Variants in LDLRAD3 observed in about 807,000 individuals in gnomAD.
LDLRAD3 encodes low-density lipoprotein receptor class A domain-containing protein 3.
Under a neutral mutation model 29.4 loss-of-function variants are expected in LDLRAD3, and 20 were observed. That is an observed-to-expected ratio of 0.68 (90% CI 0.48 to 0.99). The LOEUF is 0.99. Ranked by LOEUF, LDLRAD3 falls within the 50% of genes least tolerant of loss-of-function variation. LDLRAD3 has a pLI of 0.00. For missense variants in LDLRAD3, 420 were observed against 454.3 expected, an observed-to-expected ratio of 0.92 and a Z score of 0.69; for synonymous variants, 157 against 192.7, an observed-to-expected ratio of 0.81 and a Z score of 1.53.
chr11:36,103,215 T>G (rs944366909), intron 4 of LDLRAD3, among the ~76,000 whole-genome samples: 1 of 149,956 alleles, frequency 6.7e-6, no homozygotes, highest in African/African-American at 2.4e-5. Context: ...CCTCATACAG[T>G]GGAATCATAC....
At chr11:36,145,292 C>T (rs1195580664) in intron 4 of LDLRAD3, among the ~76,000 whole-genome samples, 1 of 99,098 alleles carries the variant, frequency 1.0e-5, no homozygotes, top group Non-Finnish European at 2.0e-5. Context: ...CTGCCCCATC[C>T]GGGAGGTGAG....
At chr11:36,195,238 AGTG>A (rs1855014928) in intron 4 of LDLRAD3, among the ~76,000 whole-genome samples, 1 of 152,220 alleles carries the variant, frequency 6.6e-6, no homozygotes, top group South Asian at 2.1e-4. Flanking sequence ...TAGGATGAAT[AGTG>A]GTAGGATGAG....
At chr11:36,057,051 T>C (rs1274697778) in intron 2 of LDLRAD3, among the ~76,000 whole-genome samples, 1 of 152,156 alleles carries the variant, frequency 6.6e-6, no homozygotes, top group East Asian at 1.9e-4. Flanking sequence ...GTCTAGAGTT[T>C]ATGATTTTCA....
chr11:35,999,220 A>G (rs913662134), intron 1 of LDLRAD3, among the ~76,000 whole-genome samples: 6 of 152,170 alleles, frequency 3.9e-5, no homozygotes, highest in Admixed American at 6.5e-5. Flanking sequence ...CAGACTTACA[A>G]TCAGTTAACT....
At chr11:36,091,403 CCTCGGT>C (rs555116716) in intron 3 of LDLRAD3, among the ~76,000 whole-genome samples, 151 of 152,156 alleles carry the variant, frequency 9.9e-4, no homozygotes, top group Admixed American at 1.8e-3. Context: ...CGCAGTGGTC[CCTCGGT>C]CTTATCTTTT....
At chr11:36,151,060 A>C (rs192452809) in intron 4 of LDLRAD3, among the ~76,000 whole-genome samples, 101 of 152,290 alleles carry the variant, frequency 6.6e-4, no homozygotes, top group African/African-American at 2.4e-3. Flanking sequence ...ACCTCTGAAC[A>C]ATCCTTGGTT....
At chr11:36,204,586 T>TA (rs975160712) in intron 4 of LDLRAD3, among the ~76,000 whole-genome samples, 7 of 151,808 alleles carry the variant, frequency 4.6e-5, no homozygotes, top group African/African-American at 1.7e-4. Context: ...CTCCCGGGTT[T>TA]AAGCGATTCT....
At chr11:36,075,482 T>C (rs1227507994) in intron 2 of LDLRAD3, among the ~76,000 whole-genome samples, 1 of 152,198 alleles carries the variant, frequency 6.6e-6, no homozygotes, top group East Asian at 1.9e-4. Flanking sequence ...GCTGAGGTGG[T>C]ATCTACCAAG....
chr11:36,094,319 A>G (rs1039878990), intron 3 of LDLRAD3, among the ~76,000 whole-genome samples: 1 of 152,344 alleles, frequency 6.6e-6, no homozygotes, highest in East Asian at 1.9e-4. Flanking sequence ...ATAAAATTGT[A>G]TGCATACATA....
chr11:36,012,007 C>T (rs1031078888), intron 1 of LDLRAD3, among the ~76,000 whole-genome samples: 4 of 152,094 alleles, frequency 2.6e-5, no homozygotes, highest in East Asian at 1.9e-4. Flanking sequence ...CTATTTTCTT[C>T]GAAAGTGATT....
intron 2 of LDLRAD3, among the ~76,000 whole-genome samples, chr11:36,064,333 A>C (rs917722698): frequency 1.3e-5 from 2 of 151,960 alleles, no homozygotes; most frequent in Non-Finnish European, 2.9e-5. Context: ...ACAGGATCTC[A>C]CTCTGTTGCC....
chr11:36,110,823 C>T lies in LDLRAD3; in HGVS notation c.454+12362C>T, dbSNP rs542135976. Among the ~76,000 whole-genome samples the T allele has an allele frequency of 2.0e-5, 3 of 152,244 alleles. No individual in the cohort carries two copies. In the South Asian group the frequency reaches 6.2e-4, roughly 32 times the overall value. On this transcript the variant is annotated intron_variant, in intron 4 of 5. Coordinates refer to ENST00000315571, the MANE Select transcript of LDLRAD3 (RefSeq NM_174902.4). Reference sequence around the variant, plus strand: ...TGTAATAGAGGAATGAGCAGCATGCCGTGGGAGCTTGAGGCTGGCAAGGAG... The same window carrying T: ...TGTAATAGAGGAATGAGCAGCATGCTGTGGGAGCTTGAGGCTGGCAAGGAG...
chr11:36,225,374 C>T (rs1855484758), intron 4 of LDLRAD3, among the ~76,000 whole-genome samples: 1 of 152,182 alleles, frequency 6.6e-6, no homozygotes, highest in Non-Finnish European at 1.5e-5. Flanking sequence ...GTTTCCTCCA[C>T]CTGCCTGGAC....
Position 36,229,449 on chromosome 11 carries a change from A to T in LDLRAD3, c.*52A>T. On this transcript the variant is annotated 3_prime_UTR_variant, in exon 6 of 6. Transcript: ENST00000315571. ...GGTTAATCTGCTCTGACTTGTTGCC[A>T]TTCTAACAATTTGTGCTCATGGGAA... The T allele has an allele frequency of 1.5e-6, 2 of 1,318,600 alleles. No homozygotes were observed. Among genetic ancestry groups the T allele is most frequent in the Non-Finnish European group, 2.2e-6 (2 of 930,118 alleles). 81.7% of individuals were successfully genotyped at this position (1,318,600 alleles called of 1,614,324 possible).
intron 1 of LDLRAD3, among the ~76,000 whole-genome samples, chr11:36,029,194 G>A (rs966091993): frequency 1.1e-4 from 17 of 152,172 alleles, no homozygotes; most frequent in African/African-American, 3.4e-4. Context: ...GCAGTGAGCC[G>A]AGATCGTGTC....
chr11:36,035,175 CT>C (rs11352330), intron 1 of LDLRAD3, among the ~76,000 whole-genome samples: 125,801 of 143,624 alleles, frequency 0.88, 55,296 homozygotes, highest in Non-Finnish European at 0.93. Context: ...AAGGACTGGT[CT>C]TTTTTTTTTT....
intron 3 of LDLRAD3, among the ~76,000 whole-genome samples, chr11:36,083,145 A>G (rs934915240): frequency 4.6e-5 from 7 of 152,200 alleles, no homozygotes; most frequent in Admixed American, 2.6e-4. Context: ...GTGTGATACA[A>G]TCGTTACGAT....
Position 36,099,377 on chromosome 11 carries a change from A to G in LDLRAD3, c.454+916A>G, listed in dbSNP as rs1853412383. On this transcript the variant is annotated intron_variant, in intron 4 of 5. Coordinates refer to ENST00000315571, the MANE Select transcript of LDLRAD3 (RefSeq NM_174902.4). ...ATGCACATCTGTTTTAAGGCATCCG[A>G]AAGAATATATATTTCTAATGTTATA... is the stretch of plus-strand genomic sequence containing the variant. Among the ~76,000 whole-genome samples the G allele has an allele frequency of 2.0e-5, 3 of 152,222 alleles. No homozygotes were observed. The South Asian group carries it at 6.2e-4, about 32-fold the overall frequency.
At chr11:36,121,718 A>G (rs1590284672) in intron 4 of LDLRAD3, among the ~76,000 whole-genome samples, 1 of 152,252 alleles carries the variant, frequency 6.6e-6, no homozygotes, top group East Asian at 1.9e-4. Flanking sequence ...GATTTATGCT[A>G]GGAATCCATA....
Sources: gnomAD v4.1 joint callset for allele counts (sites outside exome capture counted in the v4.1 genomes callset) on GRCh38, gnomAD v4.1.1 for gene constraint, MANE v1.5 for transcripts, NCBI Gene and HGNC (gene_info 2026-07-23, HGNC 2026-07-21) for gene names.